The following OR9Q2 variants were observed in gnomAD, a reference collection of about 807,000 sequenced individuals.
The protein encoded by OR9Q2 is olfactory receptor family 9 subfamily Q member 2, also known as olfactory receptor 9Q2.
In OR9Q2, 2 loss-of-function variants were observed where a neutral mutation model predicts 2.3. The observed-to-expected ratio is 0.85, with a 90% CI of 0.35 to 2.68. OR9Q2 has a LOEUF of 2.68. Among genes scored for constraint, OR9Q2 ranks in the 30% most tolerant of loss-of-function variants. The pLI, the probability that OR9Q2 is intolerant of heterozygous loss-of-function variation, is 0.10. For synonymous variants in OR9Q2, 178 were observed against 158.6 expected (o/e 1.12, Z -0.92); for missense variants, 404 against 395.7 (o/e 1.02, Z -0.18).
At position 58,193,556 on chromosome 11, in the gene OR9Q2, G is replaced by T. The variant is rs1854783606; in HGVS notation, c.*2121G>T. ...GAAAGTGGCAGATGAGGGAGGTTCT[G>T]TTCTCAGGTCTCTGACTCCAAAGTA... On this transcript the variant is annotated 3_prime_UTR_variant, in exon 2 of 2. Coordinates refer to ENST00000641291, the MANE Select transcript of OR9Q2 (RefSeq NM_001005283.3). 6.6e-6 allele frequency: 1 copy of T among 152,196 alleles called. No homozygotes were observed. The highest frequency in any genetic ancestry group is 1.5e-5 in the Non-Finnish European group (1 of 68,046). The allele number at this position is 152,196 out of a possible 1,614,324, so 9.4% of individuals were successfully genotyped here. A position where few individuals can be genotyped will look rare whatever the true frequency, so the allele number is the denominator to read the frequency against.
rs758561466 is a variant in OR9Q2 at position 58,191,317 on chromosome 11, T to C, written c.827T>C (p.Val276Ala). Residue 276 changes from valine to alanine, a missense_variant, in exon 2 of 2, where the codon GTG becomes GCG. Val to Ala is a moderately conservative substitution (Grantham distance 64). Transcript: ENST00000641291. ...QSSEGDRVVS[V>A]LYTVVTPMLN... The stretch of plus-strand genomic sequence containing the variant: ...TCCGAGGGAGACCGAGTGGTGTCTG[T>C]GCTCTACACGGTGGTGACCCCAATG... 6.2e-7 allele frequency: 1 copy of C among 1,613,968 alleles called. No individual in the cohort carries two copies. The highest frequency in any genetic ancestry group is 1.1e-5 in the South Asian group (1 of 91,062).
chr11:58,191,715 T>G lies in OR9Q2; in HGVS notation c.*280T>G. ...GCTTCATTTCTATATGTCCAGTTCCTAGCAAAGCACCTAGCATGTGAAAGG... is the reference window on the plus strand; with the variant it reads ...GCTTCATTTCTATATGTCCAGTTCCGAGCAAAGCACCTAGCATGTGAAAGG... On this transcript the variant is annotated 3_prime_UTR_variant, in exon 2 of 2. Coordinates refer to ENST00000641291, the MANE Select transcript of OR9Q2 (RefSeq NM_001005283.3). 3.9e-6 allele frequency: 1 copy of G among 253,898 alleles called. No individual in the cohort carries two copies. Among genetic ancestry groups the G allele is most frequent in the Non-Finnish European group, 7.6e-6 (1 of 132,362 alleles). The allele number at this position is 253,898 out of a possible 1,614,324, so 15.7% of individuals were successfully genotyped here.
In OR9Q2 at chr11:58,191,511, G is replaced by C; in HGVS notation, c.*76G>C. ...TTTTCTCAATAGCACCTTCTGGAGA[G>C]ACTTTCCTAAATAACCCTATGCAAA... On this transcript the variant is annotated 3_prime_UTR_variant, in exon 2 of 2. Transcript: ENST00000641291. 1 of 1,055,208 alleles carries C rather than the reference G, an allele frequency of 9.5e-7. No homozygotes were observed. The highest frequency in any genetic ancestry group is 1.7e-5 in the South Asian group (1 of 57,530). 65.4% of individuals were successfully genotyped at this position (1,055,208 alleles called of 1,614,324 possible). A position where few individuals can be genotyped will look rare whatever the true frequency, so the allele number is the denominator to read the frequency against.
rs535152322 is a variant in OR9Q2, at chr11:58,190,069, C to T, written c.-172-250C>T. ...CCTTATATATGTGGAGTGCTTTTAG[C>T]TTTCCAATGTGCTTTTGCCTCTGTT... On this transcript the variant is annotated intron_variant, in intron 1 of 1. Transcript: ENST00000641291. 5.2e-4 allele frequency among the ~76,000 whole-genome samples: 79 copies of T among 152,236 alleles called. 1 individual carries two copies. The South Asian group carries it at 0.016, about 30-fold the overall frequency.
At chr11:58,190,153 C>T (rs1482110829) in intron 1 of OR9Q2, among the ~76,000 whole-genome samples, 166 bp from the exon 2 acceptor site, 1 of 152,080 alleles carries the variant, frequency 6.6e-6, no homozygotes, top group East Asian at 1.9e-4. Context: ...CCTCTTTTGG[C>T]AGAGGAGGAA....
rs1436255031 is a variant in OR9Q2 at position 58,192,126 on chromosome 11, A to AATAAT, written c.*693_*697dup. ...GAATAACAATGAGGAAAATAATAAT[A>AATAAT]ATAATAATAATAATAATAATAGCAA... On this transcript the variant is annotated 3_prime_UTR_variant, in exon 2 of 2. Transcript: ENST00000641291. 6.7e-6 allele frequency: 1 copy of AATAAT among 149,416 alleles called. No homozygotes were observed. The highest frequency in any genetic ancestry group is 2.4e-5 in the African/African-American group (1 of 40,840). The allele number at this position is 149,416 out of a possible 1,614,324, so 9.3% of individuals were successfully genotyped here.
Position 58,191,262 on chromosome 11 carries a change from A to T in OR9Q2, c.772A>T (p.Met258Leu), listed in dbSNP as rs1205298631. ...TCTTTTCTTTGGCACCCTCATCTTC[A>T]TGTACCTGCGAGACAACACAGGCCA... ...VALFFGTLIF[M>L]YLRDNTGQSS... is the part of the protein sequence containing the mutation. Residue 258 changes from methionine to leucine, a missense_variant, in exon 2 of 2, where the codon ATG (methionine) becomes TTG (leucine). Physicochemically the swap from Met to Leu is conservative, Grantham distance 15 (BLOSUM62 2). Coordinates refer to ENST00000641291, the MANE Select transcript of OR9Q2 (RefSeq NM_001005283.3). 6.2e-7 allele frequency: 1 copy of T among 1,613,798 alleles called. No homozygotes were observed.
At position 58,190,593 on chromosome 11, in the gene OR9Q2, T is replaced by C. The variant is rs199812963; in HGVS notation, c.103T>C (p.Tyr35His). ...VPLFLIFLSF[Y>H]LATMLGNTGM... Reference sequence around the variant, plus strand: ...TCTCTTCCTCATATTTTTGAGTTTCTATCTTGCCACTATGTTAGGGAACAC... The same window carrying C: ...TCTCTTCCTCATATTTTTGAGTTTCCATCTTGCCACTATGTTAGGGAACAC... Residue 35 changes from tyrosine to histidine, a missense_variant, in exon 2 of 2, where the codon TAT becomes CAT. By Grantham distance (83) the Tyr-to-His change is moderately conservative. Transcript: ENST00000641291. 2.3e-5 allele frequency: 37 copies of C among 1,614,086 alleles called. No individual in the cohort carries two copies. Among genetic ancestry groups the C allele is most frequent in the Non-Finnish European group, 2.5e-5 (30 of 1,180,024 alleles).
rs1331226183 is a variant in OR9Q2, at chr11:58,193,624, CCTT to C, written c.*2192_*2194del. 6.6e-6 allele frequency: 1 copy of C among 152,224 alleles called. No individual in the cohort carries two copies. The highest frequency in any genetic ancestry group is 1.5e-5 in the Non-Finnish European group (1 of 68,070). 9.4% of individuals were successfully genotyped at this position (152,224 alleles called of 1,614,324 possible). A position where few individuals can be genotyped will look rare whatever the true frequency, so the allele number is the denominator to read the frequency against. The stretch of plus-strand genomic sequence containing the variant: ...ACTGCCCTTCTGCACTCTTTCTTCT[CCTT>C]CTCCCAGGCCCTAGTTCCTGGTTAT... On this transcript the variant is annotated 3_prime_UTR_variant, in exon 2 of 2. Transcript: ENST00000641291.
In OR9Q2 at chr11:58,191,280, A is replaced by G. The variant is rs762651635; in HGVS notation, c.790A>G (p.Thr264Ala). ...TLIFMYLRDN[T>A]GQSSEGDRVV... ...CATCTTCATGTACCTGCGAGACAAC[A>G]CAGGCCAGTCCTCCGAGGGAGACCG... Residue 264 changes from threonine to alanine, a missense_variant, in exon 2 of 2, where the codon ACA becomes GCA. By Grantham distance (58) the Thr-to-Ala change is moderately conservative. Transcript: ENST00000641291. 6 of 1,613,928 alleles carry G rather than the reference A, an allele frequency of 3.7e-6. No individual in the cohort carries two copies. In the Admixed American group the frequency reaches 8.3e-5, roughly 22 times the overall value.
chr11:58,190,238 G>T, intron 1 of OR9Q2, 81 bp from the exon 2 acceptor site: 1 of 462,136 alleles, frequency 2.2e-6, no homozygotes. Context: ...AAATACAAGC[G>T]CTGACTTGTA....
rs771087731 is a variant in OR9Q2, at chr11:58,191,071, C to T, written c.581C>T (p.Thr194Ile). 1.2e-6 allele frequency: 2 copies of T among 1,614,080 alleles called. No homozygotes were observed. The highest frequency in any genetic ancestry group is 4.5e-5 in the East Asian group (2 of 44,886). ...LLKLSCGDSY[T>I]QEVVIIVFAL... ...AAACTCTCCTGTGGGGACAGCTACA[C>T]TCAGGAAGTGGTGATTATTGTGTTT... The change falls in exon 2 of 2, where the codon ACT becomes ATT. Residue 194 changes from threonine to isoleucine, a missense_variant. By Grantham distance (89) the Thr-to-Ile change is moderately conservative. Transcript: ENST00000641291.
Position 58,190,834 on chromosome 11 carries a change from T to C in OR9Q2, c.344T>C (p.Leu115Pro), listed in dbSNP as rs1021255285. The change falls in exon 2 of 2, where the codon CTG (leucine) becomes CCG (proline). Residue 115 changes from leucine (L) to proline (P), a missense_variant. Transcript: ENST00000641291. ...TFFASIDCYL[L>P]AIMAYDRYTA... The stretch of plus-strand genomic sequence containing the variant: ...TTTGCCTCCATCGACTGCTACCTTC[T>C]GGCCATCATGGCCTATGACCGCTAC... 11 of 1,614,118 alleles carry C rather than the reference T, an allele frequency of 6.8e-6. No individual in the cohort carries two copies. The African/African-American group carries it at 1.5e-4, about 22-fold the overall frequency.
rs1307795409 is a variant in OR9Q2, at chr11:58,190,738, C to A, written c.248C>A (p.Ala83Asp). Residue 83 changes from alanine (A) to aspartate (D), a missense_variant, in exon 2 of 2, where the codon GCT becomes GAT. Physicochemically the swap from Ala to Asp is moderately radical, Grantham distance 126. Coordinates refer to ENST00000641291, the MANE Select transcript of OR9Q2 (RefSeq NM_001005283.3). ...YSSAIIPQMLAVLWEHGTTIS... is the reference protein window; with the variant it reads ...YSSAIIPQMLDVLWEHGTTIS... ...TCCGCCATCATCCCTCAGATGCTGG[C>A]TGTGCTGTGGGAGCACGGCACAACC... 1 of 1,614,076 alleles carries A rather than the reference C, an allele frequency of 6.2e-7. No homozygotes were observed. Among genetic ancestry groups the A allele is most frequent in the African/African-American group, 1.3e-5 (1 of 74,928 alleles).
Position 58,193,587 on chromosome 11 carries a change from T to G in OR9Q2, c.*2152T>G, listed in dbSNP as rs1284004651. ...AGGTCTCTGACTCCAAAGTACATACTCTTATCTGATAACTGCCCTTCTGCA... is the reference window on the plus strand; with the variant it reads ...AGGTCTCTGACTCCAAAGTACATACGCTTATCTGATAACTGCCCTTCTGCA... On this transcript the variant is annotated 3_prime_UTR_variant, in exon 2 of 2. Coordinates refer to ENST00000641291, the MANE Select transcript of OR9Q2 (RefSeq NM_001005283.3). The G allele has an allele frequency of 2.0e-5, 3 of 152,204 alleles. No homozygotes were observed. The highest frequency in any genetic ancestry group is 4.4e-5 in the Non-Finnish European group (3 of 68,032). The allele number at this position is 152,204 out of a possible 1,614,324, so 9.4% of individuals were successfully genotyped here.
At position 58,191,430 on chromosome 11, in the gene OR9Q2, C is replaced by A; in HGVS notation, c.940C>A (p.Pro314Thr). The A allele has an allele frequency of 1.3e-6, 2 of 1,578,238 alleles. No homozygotes were observed. Among genetic ancestry groups the A allele is most frequent in the Non-Finnish European group, 1.7e-6 (2 of 1,160,058 alleles). ...ALSKSKPARR[P>T] ...GAGCAAATCAAAGCCTGCTAGAAGA[C>A]CCTAAATGGACCCTTGTGAAATATA... The change falls in exon 2 of 2, where the codon CCC (proline) becomes ACC (threonine). Residue 314 changes from proline to threonine, a missense_variant. Transcript: ENST00000641291.
Position 58,190,490 on chromosome 11 carries a change from G to A in OR9Q2, c.-1G>A. ...GCCGTTGCAGGTGAACCACTGGATG[G>A]ATGGCTGAAAGGAATTACACCGTAG... On this transcript the variant is annotated 5_prime_UTR_variant, in exon 2 of 2. Coordinates refer to ENST00000641291, the MANE Select transcript of OR9Q2 (RefSeq NM_001005283.3). 1 of 1,609,196 alleles carries A rather than the reference G, an allele frequency of 6.2e-7. No individual in the cohort carries two copies. The highest frequency in any genetic ancestry group is 8.5e-7 in the Non-Finnish European group (1 of 1,176,294).
At position 58,191,335 on chromosome 11, in the gene OR9Q2, C is replaced by G. The variant is rs1854762327; in HGVS notation, c.845C>G (p.Thr282Ser). 1.2e-6 allele frequency: 2 copies of G among 1,613,934 alleles called. No individual in the cohort carries two copies. The highest frequency in any genetic ancestry group is 1.7e-6 in the Non-Finnish European group (2 of 1,180,008). Residue 282 changes from threonine (T) to serine (S), a missense_variant, in exon 2 of 2, where the codon ACC becomes AGC. Coordinates refer to ENST00000641291, the MANE Select transcript of OR9Q2 (RefSeq NM_001005283.3). ...GTGTCTGTGCTCTACACGGTGGTGA[C>G]CCCAATGCTGAATCCCCTTATCTAT... is the stretch of plus-strand genomic sequence containing the variant. ...RVVSVLYTVV[T>S]PMLNPLIYSL...
Position 58,193,654 on chromosome 11 carries a change from G to A in OR9Q2, c.*2219G>A, listed in dbSNP as rs1854784713. 1 of 152,188 alleles carries A rather than the reference G, an allele frequency of 6.6e-6. No individual in the cohort carries two copies. Among genetic ancestry groups the A allele is most frequent in the Non-Finnish European group, 1.5e-5 (1 of 68,066 alleles). The allele number at this position is 152,188 out of a possible 1,614,324, so 9.4% of individuals were successfully genotyped here. A position where few individuals can be genotyped will look rare whatever the true frequency, so the allele number is the denominator to read the frequency against. On this transcript the variant is annotated 3_prime_UTR_variant, in exon 2 of 2. Transcript: ENST00000641291. The stretch of plus-strand genomic sequence containing the variant: ...TCCCAGGCCCTAGTTCCTGGTTATA[G>A]TTTGCTTCAGAGGTTATCTGGATTT...
Sources: allele counts gnomAD v4.1 joint callset (sites outside exome capture counted in the v4.1 genomes callset), GRCh38; gene constraint gnomAD v4.1.1; transcripts MANE v1.5; gene names NCBI Gene and HGNC (gene_info 2026-07-23, HGNC 2026-07-21).